SIRT1: variants seen among roughly 807,000 people sequenced by gnomAD.
SIRT1 encodes the protein NAD-dependent protein deacetylase sirtuin-1.
A neutral mutation model predicts 67.9 loss-of-function variants in SIRT1; 24 were observed. The ratio of observed to expected loss-of-function variants is 0.35; its 90% CI spans 0.26 to 0.50. The LOEUF (loss-of-function observed/expected upper bound fraction) is 0.50, where lower values mean the gene tolerates loss of function less well. Ranked by LOEUF, SIRT1 falls within the 20% of genes least tolerant of loss-of-function variation. The pLI is 0.98. For synonymous variants in SIRT1, 378 were observed against 350.7 expected (o/e 1.08, Z -0.87); for missense variants, 873 against 937.2 (o/e 0.93, Z 0.89).
At chr10:67,890,891 G>A (rs567353099) in intron 3 of SIRT1, among the ~76,000 whole-genome samples, 5 of 151,742 alleles carry the variant, frequency 3.3e-5, no homozygotes, top group East Asian at 3.9e-4. Flanking sequence ...TCAGCCGGTC[G>A]CGGTGGCAGG....
chr10:67,909,795 G>A (rs1378512448), intron 7 of SIRT1, among the ~76,000 whole-genome samples: 2 of 151,898 alleles, frequency 1.3e-5, no homozygotes, highest in East Asian at 3.9e-4. Flanking sequence ...GGCTGGTCTC[G>A]AACTCCTCAG....
chr10:67,889,051 T>G lies in SIRT1; in HGVS notation c.717T>G (p.Asp239Glu). 1 of 1,612,134 alleles carries G rather than the reference T, an allele frequency of 6.2e-7. No individual in the cohort carries two copies. The highest frequency in any genetic ancestry group is 8.5e-7 in the Non-Finnish European group (1 of 1,179,736). ...SEPPKRKKRK[D>E]INTIEDAVKL... Reference sequence around the variant, plus strand: ...CACCAAAAAGGAAAAAAAGAAAAGATATTAATACAATTGAAGATGCTGTGA... The same window carrying G: ...CACCAAAAAGGAAAAAAAGAAAAGAGATTAATACAATTGAAGATGCTGTGA... The change falls in exon 3 of 9, where the codon GAT becomes GAG. Residue 239 changes from aspartate (D) to glutamate (E), a missense_variant. Coordinates refer to ENST00000212015, the MANE Select transcript of SIRT1 (RefSeq NM_012238.5).
intron 7 of SIRT1, among the ~76,000 whole-genome samples, chr10:67,912,222 A>G (rs1842911188): frequency 6.6e-6 from 1 of 152,198 alleles, no homozygotes; most frequent in Non-Finnish European, 1.5e-5. Context: ...TCAGAGTGGG[A>G]AAGTCTGGGA....
At chr10:67,899,538 C>T (rs1435667990) in intron 4 of SIRT1, among the ~76,000 whole-genome samples, 9 of 151,896 alleles carry the variant, frequency 5.9e-5, no homozygotes, top group Non-Finnish European at 8.8e-5. Flanking sequence ...GGGATGTCAG[C>T]ATAAGTTTTT....
chr10:67,906,252 AG>A, intron 4 of SIRT1: 2 of 1,583,780 alleles, frequency 1.3e-6, no homozygotes, highest in African/African-American at 1.3e-5. Flanking sequence ...ATACTATACC[AG>A]TATGTGCCTG....
chr10:67,904,263 G>A (rs904057334), intron 4 of SIRT1, among the ~76,000 whole-genome samples: 5 of 151,568 alleles, frequency 3.3e-5, no homozygotes, highest in African/African-American at 9.7e-5. Context: ...GAGTTTCTGG[G>A]ACTACAGGCA....
intron 7 of SIRT1, among the ~76,000 whole-genome samples, chr10:67,910,117 G>A (rs1458506759): frequency 6.6e-6 from 1 of 152,042 alleles, no homozygotes; most frequent in East Asian, 1.9e-4. Flanking sequence ...GCTCGTGCCT[G>A]TAATCTCAGC....
chr10:67,906,318 C>G (rs1324889113), intron 4 of SIRT1: 1 of 1,549,290 alleles, frequency 6.5e-7, no homozygotes, highest in South Asian at 1.2e-5. Flanking sequence ...TTTAAACTTC[C>G]AGCAGGTTGA....
intron 4 of SIRT1, among the ~76,000 whole-genome samples, chr10:67,897,865 C>T (rs1842682013): frequency 6.6e-6 from 1 of 150,594 alleles, no homozygotes; most frequent in Admixed American, 6.6e-5. Flanking sequence ...TTCTCAGAAA[C>T]CTAAAATAAT....
intron 7 of SIRT1, among the ~76,000 whole-genome samples, chr10:67,909,780 G>GGCC (rs1191365151): frequency 3.9e-5 from 6 of 151,918 alleles, no homozygotes; most frequent in Admixed American, 3.9e-4. Flanking sequence ...TCACCATGTT[G>GGCC]GCCAGGCTGG....
intron 4 of SIRT1, among the ~76,000 whole-genome samples, chr10:67,903,695 C>T (rs1359082696): frequency 1.3e-5 from 2 of 152,120 alleles, no homozygotes; most frequent in Non-Finnish European, 1.5e-5. Context: ...CCAATTTCTG[C>T]GGATAGTTCT....
At chr10:67,895,962 G>A (rs1346614643) in intron 4 of SIRT1, among the ~76,000 whole-genome samples, 2 of 151,816 alleles carry the variant, frequency 1.3e-5, no homozygotes, top group Admixed American at 6.6e-5. Context: ...GGCTGGTCTC[G>A]AACTCCTGAC....
intron 4 of SIRT1, among the ~76,000 whole-genome samples, chr10:67,904,275 G>T (rs1842788503): frequency 6.6e-6 from 1 of 151,642 alleles, no homozygotes; most frequent in Non-Finnish European, 1.5e-5. Flanking sequence ...CTACAGGCAT[G>T]AACCGTGAGG....
chr10:67,900,986 G>A (rs532301411), intron 4 of SIRT1, among the ~76,000 whole-genome samples: 1 of 152,146 alleles, frequency 6.6e-6, no homozygotes, highest in Admixed American at 6.6e-5. Context: ...CCAGCCTTTA[G>A]TAGTCCCATG....
rs1342236378 is a variant in SIRT1 at position 67,913,025 on chromosome 10, C to A, written c.1909C>A (p.Leu637Ile). 1 of 1,590,048 alleles carries A rather than the reference C, an allele frequency of 6.3e-7. No homozygotes were observed. Among genetic ancestry groups the A allele is most frequent in the South Asian group, 1.2e-5 (1 of 86,872 alleles). The change falls in exon 8 of 9, where the codon CTT (leucine) becomes ATT (isoleucine). Residue 637 changes from leucine (L) to isoleucine (I), a missense_variant. Physicochemically the swap from Leu to Ile is conservative, Grantham distance 5. This residue lies in a region of SIRT1 where 295 missense variants were observed against 294.5 expected (regional missense o/e 1.00). Transcript: ENST00000212015. ...RVAKEQISRRLDGNQYLFLPP... is the reference protein window; with the variant it reads ...RVAKEQISRRIDGNQYLFLPP... ...GGCAAAGGAGCAGATTAGTAGGCGG[C>A]TTGATGGTAAGAAAGGCAGTCGGAC...
chr10:67,904,123 GTTTGT>G (rs1209523617), intron 4 of SIRT1, among the ~76,000 whole-genome samples: 1 of 115,450 alleles, frequency 8.7e-6, no homozygotes, highest in Non-Finnish European at 1.8e-5. Context: ...AGTTTTTTTT[GTTTGT>G]TTTTTTTTTT....
Position 67,906,810 on chromosome 10 carries a change from C to T in SIRT1, c.963C>T (p.Phe321=). Residue 321 remains phenylalanine, a synonymous_variant, in exon 5 of 9, where the codon TTC becomes TTT. Coordinates refer to ENST00000212015, the MANE Select transcript of SIRT1 (RefSeq NM_012238.5). Reference sequence around the variant, plus strand: ...TACAGGAAATATATCCTGGACAATTCCAGCCATCTCTCTGTCACAAATTCA... The same window carrying T: ...TACAGGAAATATATCCTGGACAATTTCAGCCATCTCTCTGTCACAAATTCA... ...KFAKEIYPGQ[F]QPSLCHKFIA... The T allele has an allele frequency of 6.2e-7, 1 of 1,612,360 alleles. No homozygotes were observed. The highest frequency in any genetic ancestry group is 8.5e-7 in the Non-Finnish European group (1 of 1,179,462).
intron 4 of SIRT1, among the ~76,000 whole-genome samples, chr10:67,897,362 A>T (rs1333239036): frequency 7.0e-6 from 1 of 143,720 alleles, no homozygotes; most frequent in African/African-American, 2.6e-5. Context: ...ATCTCGGCTC[A>T]CTTGCAACCT....
intron 8 of SIRT1, among the ~76,000 whole-genome samples, chr10:67,915,231 A>G (rs188030596): frequency 2.0e-5 from 3 of 152,310 alleles, no homozygotes; most frequent in East Asian, 3.9e-4. Flanking sequence ...GAGATAGGCC[A>G]CCTACCAGTG....
Sources: allele counts gnomAD v4.1 joint callset (sites outside exome capture counted in the v4.1 genomes callset), GRCh38; gene constraint gnomAD v4.1.1; regional missense constraint gnomAD v4.1.1; transcripts MANE v1.5; gene names NCBI Gene and HGNC (gene_info 2026-07-23, HGNC 2026-07-21).